RANBP2: variants seen among roughly 807,000 people sequenced by gnomAD.
RANBP2 encodes the protein E3 SUMO-protein ligase RanBP2.
In RANBP2, 57 loss-of-function variants were observed where a neutral mutation model predicts 303.6. The ratio of observed to expected loss-of-function variants is 0.19; its 90% CI spans 0.15 to 0.23. RANBP2 has a LOEUF of 0.23. RANBP2 is among the 10% of genes least tolerant of loss of function. The pLI is 1.00. For synonymous variants in RANBP2, 1,167 were observed against 1,301.5 expected, an observed-to-expected ratio of 0.90 and a Z score of 2.23; for missense variants, 3,138 against 3,780.8, an observed-to-expected ratio of 0.83 and a Z score of 4.46.
the RANBP2 span, among the ~76,000 whole-genome samples, chr2:109,563,712 C>A: frequency 1.3e-5 from 2 of 152,228 alleles, no homozygotes; most frequent in African/African-American, 4.8e-5. Context: ...ACAATCTAAT[C>A]TCCAACTCCC....
chr2:109,659,534 G>C, the RANBP2 span, among the ~76,000 whole-genome samples: 1 of 152,226 alleles, frequency 6.6e-6, no homozygotes, highest in Admixed American at 6.5e-5. Context: ...TCGCATGGAC[G>C]GTGAGAGCAG....
intron 15 of RANBP2, 100 bp from the exon 16 acceptor site, chr2:108,754,805 G>A (rs2091339): frequency 1.9e-6 from 3 of 1,581,178 alleles, no homozygotes; most frequent in Non-Finnish European, 2.6e-6. Flanking sequence ...GCCTATTAAA[G>A]TGGCAAAAAT....
chr2:109,494,733 A>G, the RANBP2 span, among the ~76,000 whole-genome samples: 1 of 151,910 alleles, frequency 6.6e-6, no homozygotes, highest in Non-Finnish European at 1.5e-5. Context: ...TGTCAGGGTC[A>G]AGGTTTCCAC....
the RANBP2 span, among the ~76,000 whole-genome samples, chr2:109,038,413 T>G: frequency 6.6e-6 from 1 of 152,112 alleles, no homozygotes; most frequent in Non-Finnish European, 1.5e-5. Context: ...GAGGGTAGAT[T>G]GCTTAAGCCT....
the RANBP2 span, chr2:109,567,801 A>C: frequency 6.9e-5 from 108 of 1,554,648 alleles, no homozygotes; most frequent in Non-Finnish European, 8.9e-5. Flanking sequence ...ATTAACATTC[A>C]ATCAGGAGCT....
At chr2:109,318,050 C>A in the RANBP2 span, among the ~76,000 whole-genome samples, 1 of 150,058 alleles carries the variant, frequency 6.7e-6, no homozygotes, top group Non-Finnish European at 1.5e-5. Flanking sequence ...CATCGTGATC[C>A]TTTCTCTCCT....
the RANBP2 span, among the ~76,000 whole-genome samples, chr2:109,608,230 A>G: frequency 2.6e-5 from 4 of 152,196 alleles, no homozygotes; most frequent in Non-Finnish European, 4.4e-5. Context: ...AAATGTCACC[A>G]TGCACAGCTT....
rs1224865874 is a variant in RANBP2, at chr2:108,765,188, G to A, written c.4649G>A (p.Ser1550Asn). Residue 1550 changes from serine to asparagine, a missense_variant, in exon 20 of 29, where the codon AGT becomes AAT. Ser to Asn is a conservative substitution (Grantham distance 46). Transcript: ENST00000283195. The part of the protein sequence containing the change: ...FAKKEGQWDC[S>N]SCLVRNEANA... ...AAGAAGGAAGGACAGTGGGATTGCA[G>A]TTCATGCTTAGTGCGAAATGAAGCA... 4 of 1,614,170 alleles carry A rather than the reference G, an allele frequency of 2.5e-6. No individual in the cohort carries two copies. Among genetic ancestry groups the A allele is most frequent in the Non-Finnish European group, 3.4e-6 (4 of 1,180,008 alleles).
At chr2:109,091,762 A>C in the RANBP2 span, among the ~76,000 whole-genome samples, 2 of 152,172 alleles carry the variant, frequency 1.3e-5, no homozygotes, top group African/African-American at 2.4e-5. Context: ...TGCTGACCCA[A>C]TGTGCATGGA....
chr2:109,737,090 A>C, the RANBP2 span: 2 of 1,162,976 alleles, frequency 1.7e-6, no homozygotes, highest in Admixed American at 6.5e-5. Flanking sequence ...TTTGGTTCCC[A>C]AGTTTTATTC....
chr2:109,249,676 C>A, the RANBP2 span, among the ~76,000 whole-genome samples: 1 of 145,176 alleles, frequency 6.9e-6, no homozygotes, highest in Non-Finnish European at 1.5e-5. Context: ...TTGACAGAGT[C>A]TTGCTGTGTC....
chr2:109,651,813 G>A, the RANBP2 span, among the ~76,000 whole-genome samples: 1 of 152,298 alleles, frequency 6.6e-6, no homozygotes, highest in Middle Eastern at 3.4e-3. Flanking sequence ...ATCCACCGCA[G>A]AGGCTTTCAG....
chr2:109,530,969 GAAGAGGGA>G, the RANBP2 span, among the ~76,000 whole-genome samples: 1 of 152,142 alleles, frequency 6.6e-6, no homozygotes, highest in Admixed American at 6.5e-5. Flanking sequence ...AGAGACTCTG[GAAGAGGGA>G]AAGAGGGAAA....
the RANBP2 span, among the ~76,000 whole-genome samples, chr2:109,369,302 T>C: frequency 9.1e-4 from 139 of 152,072 alleles, no homozygotes; most frequent in African/African-American, 3.1e-3. Flanking sequence ...TGAGCTGAGA[T>C]TGGGCCATTG....
chr2:109,403,288 T>A, the RANBP2 span, among the ~76,000 whole-genome samples: 1 of 152,174 alleles, frequency 6.6e-6, no homozygotes, highest in African/African-American at 2.4e-5. Context: ...CTGTCCCCCA[T>A]CTCTCCTTCG....
At chr2:109,063,384 G>C in the RANBP2 span, among the ~76,000 whole-genome samples, 1 of 152,106 alleles carries the variant, frequency 6.6e-6, no homozygotes, top group Non-Finnish European at 1.5e-5. Context: ...GGGAGATCTC[G>C]ACACAGTAGG....
intron 1 of RANBP2, among the ~76,000 whole-genome samples, chr2:108,721,805 G>C (rs1694273687): frequency 6.6e-6 from 1 of 152,076 alleles, no homozygotes; most frequent in Non-Finnish European, 1.5e-5. Flanking sequence ...GCTGTGGCGG[G>C]ATCGTGGCTC....
At chr2:109,458,383 C>T in the RANBP2 span, among the ~76,000 whole-genome samples, 2 of 152,160 alleles carry the variant, frequency 1.3e-5, no homozygotes, top group Non-Finnish European at 2.9e-5. Flanking sequence ...TTTATGGCTT[C>T]ATCACCTGCC....
the RANBP2 span, among the ~76,000 whole-genome samples, chr2:109,288,464 C>G: frequency 2.8e-4 from 42 of 152,246 alleles, no homozygotes; most frequent in East Asian, 6.6e-3. Context: ...TATGAGAGCC[C>G]ACAGAGATGT....
Sources: gnomAD v4.1 joint callset for allele counts (sites outside exome capture counted in the v4.1 genomes callset) on GRCh38, gnomAD v4.1.1 for gene constraint, MANE v1.5 for transcripts, NCBI Gene and HGNC (gene_info 2026-07-23, HGNC 2026-07-21) for gene names.